Variants in CTNND2 observed in about 807,000 individuals in gnomAD.
CTNND2 encodes catenin delta 2.
Under a neutral mutation model 144.4 loss-of-function variants are expected in CTNND2, and 22 were observed. That is an observed-to-expected ratio of 0.15 (90% CI 0.11 to 0.22). The LOEUF is 0.22. Among genes scored for constraint, CTNND2 ranks in the 10% least tolerant of loss-of-function variants. The pLI, the probability that CTNND2 is intolerant of heterozygous loss-of-function variation, is 1.00. For missense variants in CTNND2, 1,353 were observed against 1,618.8 expected, an observed-to-expected ratio of 0.84 and a Z score of 2.82; for synonymous variants, 751 against 695.6, an observed-to-expected ratio of 1.08 and a Z score of -1.25.
intron 2 of CTNND2, among the ~76,000 whole-genome samples, chr5:11,670,116 A>G (rs1040059738): frequency 2.0e-5 from 3 of 152,148 alleles, no homozygotes; most frequent in Non-Finnish European, 4.4e-5. Flanking sequence ...TCTGAGTAAC[A>G]GTTTGTTATG....
At chr5:11,290,041 G>A (rs1352582498) in intron 9 of CTNND2, among the ~76,000 whole-genome samples, 1 of 152,166 alleles carries the variant, frequency 6.6e-6, no homozygotes, top group Non-Finnish European at 1.5e-5. Context: ...CGAGTATAGA[G>A]CAACACATTT....
chr5:11,819,959 C>T (rs1439755076), intron 1 of CTNND2, among the ~76,000 whole-genome samples: 3 of 152,214 alleles, frequency 2.0e-5, no homozygotes, highest in African/African-American at 4.8e-5. Context: ...CTCAGGAGCA[C>T]TCAGCCTTTA....
At chr5:11,044,074 C>T (rs1020199579) in intron 16 of CTNND2, among the ~76,000 whole-genome samples, 16 of 152,322 alleles carry the variant, frequency 1.1e-4, no homozygotes, top group Admixed American at 2.6e-4. Context: ...GGTTGTACAG[C>T]GGGGTAGCAG....
intron 16 of CTNND2, among the ~76,000 whole-genome samples, chr5:11,063,366 C>A (rs1399288606): frequency 6.6e-6 from 1 of 151,940 alleles, no homozygotes; most frequent in African/African-American, 2.4e-5. Flanking sequence ...TAACTTTAAT[C>A]AAGATAAATG....
chr5:11,354,479 T>C (rs1360335971), intron 8 of CTNND2, among the ~76,000 whole-genome samples: 1 of 152,240 alleles, frequency 6.6e-6, no homozygotes, highest in Non-Finnish European at 1.5e-5. Flanking sequence ...TGACCCTTTT[T>C]ATTTTGTAAA....
At chr5:11,313,903 C>T (rs146989642) in intron 9 of CTNND2, among the ~76,000 whole-genome samples, 1,612 of 152,066 alleles carry the variant, frequency 0.011, 31 homozygotes, top group African/African-American at 0.036. Context: ...GAAGAGCGAG[C>T]AAATGGGGAA....
intron 3 of CTNND2, among the ~76,000 whole-genome samples, chr5:11,471,621 T>C (rs1767245188): frequency 6.6e-6 from 1 of 152,228 alleles, no homozygotes; most frequent in East Asian, 1.9e-4. Context: ...CCTCTCTATC[T>C]GACAGGCATA....
chr5:11,616,534 CCTTCCTTGCTTCCTTT>C (rs1437706239), intron 2 of CTNND2, among the ~76,000 whole-genome samples: 11 of 152,040 alleles, frequency 7.2e-5, no homozygotes, highest in East Asian at 3.9e-4. Flanking sequence ...TTGCTTCCTT[CCTTCCTTGCTTCCTTT>C]CTCCCTCCCT....
intron 14 of CTNND2, among the ~76,000 whole-genome samples, chr5:11,101,465 T>G (rs906403978): frequency 6.6e-6 from 1 of 152,204 alleles, no homozygotes; most frequent in Non-Finnish European, 1.5e-5. Context: ...AGAAAAATCA[T>G]GGGATATACA....
At chr5:11,179,233 C>G (rs944592255) in intron 11 of CTNND2, among the ~76,000 whole-genome samples, 18 of 151,768 alleles carry the variant, frequency 1.2e-4, no homozygotes, top group African/African-American at 4.4e-4. Flanking sequence ...ATGGAGGTTG[C>G]GGTGAACCGA....
rs563093682 is a variant in CTNND2 at position 11,698,328 on chromosome 5, G to A, written c.174+33808C>T. The stretch of plus-strand genomic sequence containing the variant: ...TTTTGAGACGGAGTCTCGCTCTGTC[G>A]CCCAGGCTGGAATGCAGTGGCGCGA... On this transcript the variant is annotated intron_variant, in intron 2 of 21. Transcript: ENST00000304623. 2.8e-3 allele frequency among the ~76,000 whole-genome samples: 405 copies of A among 146,910 alleles called. 3 individuals are homozygous for A. Among genetic ancestry groups the A allele is most frequent in the African/African-American group, 9.5e-3 (378 of 39,822 alleles).
intron 9 of CTNND2, among the ~76,000 whole-genome samples, chr5:11,345,164 G>A (rs150348455): frequency 2.0e-4 from 31 of 152,228 alleles, no homozygotes; most frequent in African/African-American, 6.3e-4. Flanking sequence ...TGATGAATAC[G>A]CTTGCCATAC....
At chr5:11,119,378 C>T (rs11133647) in intron 12 of CTNND2, among the ~76,000 whole-genome samples, 23,650 of 152,040 alleles carry the variant, frequency 0.16, 2,993 homozygotes, top group East Asian at 0.45. Context: ...TGCTGATCTT[C>T]GAATATAAAC....
intron 3 of CTNND2, among the ~76,000 whole-genome samples, chr5:11,477,630 G>C (rs1172428333): frequency 1.3e-5 from 2 of 152,000 alleles, no homozygotes; most frequent in African/African-American, 4.8e-5. Flanking sequence ...GCCCAGACTG[G>C]TCTCAAACTC....
intron 2 of CTNND2, among the ~76,000 whole-genome samples, chr5:11,588,278 T>A (rs972732738): frequency 6.6e-6 from 1 of 151,982 alleles, no homozygotes; most frequent in African/African-American, 2.4e-5. Flanking sequence ...GAATAATTTC[T>A]TTCTGGATGG....
At chr5:11,357,312 A>G (rs945843425) in intron 8 of CTNND2, among the ~76,000 whole-genome samples, 3 of 152,142 alleles carry the variant, frequency 2.0e-5, no homozygotes, top group African/African-American at 7.2e-5. Context: ...GATAGAGAAA[A>G]TGTAACACAT....
At chr5:11,542,405 A>G (rs1774843297) in intron 3 of CTNND2, among the ~76,000 whole-genome samples, 1 of 152,192 alleles carries the variant, frequency 6.6e-6, no homozygotes, top group Non-Finnish European at 1.5e-5. Context: ...AATTTTGATT[A>G]GTTTTAAAAT....
intron 3 of CTNND2, among the ~76,000 whole-genome samples, chr5:11,461,267 T>A (rs1475555262): frequency 2.0e-5 from 3 of 152,102 alleles, no homozygotes; most frequent in Non-Finnish European, 4.4e-5. Flanking sequence ...AGTAAGGCAC[T>A]GTCCCATCTC....
chr5:11,879,341 G>GTGTATATATATATATATA, intron 1 of CTNND2, among the ~76,000 whole-genome samples: 4 of 109,378 alleles, frequency 3.7e-5, no homozygotes, highest in African/African-American at 3.0e-5. Flanking sequence ...TTAAATGTGT[G>GTGTATATATATATATATA]TATATATATA....
Sources: allele counts gnomAD v4.1 joint callset (sites outside exome capture counted in the v4.1 genomes callset), GRCh38; gene constraint gnomAD v4.1.1; transcripts MANE v1.5; gene names NCBI Gene and HGNC (gene_info 2026-07-23, HGNC 2026-07-21).